BACH1: variants seen among roughly 807,000 people sequenced by gnomAD.
The protein encoded by BACH1 is transcription regulator protein BACH1.
BACH1 carries 35 observed loss-of-function variants against 52.9 expected under a neutral mutation model. The observed-to-expected ratio is 0.66, with a 90% CI of 0.51 to 0.88. BACH1 has a LOEUF of 0.88. BACH1 is among the 40% of genes least tolerant of loss of function. BACH1 has a pLI of 0.00. For synonymous variants in BACH1, 321 were observed against 319.6 expected (o/e 1.00, Z -0.05); for missense variants, 808 against 872.6 (o/e 0.93, Z 0.93).
chr21:29,329,078 T>TGGGTAGATTGCCTGAGCC (rs1344496825), intron 3 of BACH1, among the ~76,000 whole-genome samples: 2 of 151,706 alleles, frequency 1.3e-5, no homozygotes, highest in African/African-American at 4.8e-5. Context: ...GAGGCTGAGG[T>TGGGTAGATTGCCTGAGCC]GGGTAGATTG....
chr21:29,328,628 A>G (rs1458373833), intron 3 of BACH1, among the ~76,000 whole-genome samples: 1 of 152,210 alleles, frequency 6.6e-6, no homozygotes, highest in African/African-American at 2.4e-5. Flanking sequence ...GTATAAGCAC[A>G]ATATTGTACA....
chr21:29,306,633 G>T (rs2088661298), intron 1 of BACH1, among the ~76,000 whole-genome samples: 1 of 152,134 alleles, frequency 6.6e-6, no homozygotes, highest in Non-Finnish European at 1.5e-5. Flanking sequence ...GTCAGGGTTT[G>T]GTTAGAAAGT....
intron 1 of BACH1, among the ~76,000 whole-genome samples, chr21:29,308,054 A>C (rs550274711): frequency 8.9e-4 from 135 of 152,318 alleles, no homozygotes; most frequent in Middle Eastern, 3.4e-3. Context: ...AGATAAATGC[A>C]ATAGTATTTC....
chr21:29,317,857 G>A (rs1450095896), intron 1 of BACH1, among the ~76,000 whole-genome samples: 1 of 152,094 alleles, frequency 6.6e-6, no homozygotes, highest in Non-Finnish European at 1.5e-5. Flanking sequence ...CAGCGAGGTG[G>A]TGTTTTCTCT....
At chr21:29,305,737 C>T (rs1309334418) in intron 1 of BACH1, among the ~76,000 whole-genome samples, 1 of 152,218 alleles carries the variant, frequency 6.6e-6, no homozygotes, top group Non-Finnish European at 1.5e-5. Context: ...TGTTCTCCCC[C>T]AACTCACATG....
At chr21:29,299,379 T>G (rs1157988902) in intron 1 of BACH1, 2 of 151,950 alleles carry the variant, frequency 1.3e-5, no homozygotes, top group Non-Finnish European at 2.9e-5. Context: ...GGCCCCGTAT[T>G]GTCCTCCGCC....
Position 29,344,901 on chromosome 21 carries a change from T to G in BACH1, c.*2068T>G, listed in dbSNP as rs1057450937. ...TCTTTTGCTTTAATTGCTACTGTACTTGCTTTGAAAGATTACCTACTATTT... is the reference window on the plus strand; with the variant it reads ...TCTTTTGCTTTAATTGCTACTGTACGTGCTTTGAAAGATTACCTACTATTT... On this transcript the variant is annotated 3_prime_UTR_variant, in exon 5 of 5. Coordinates refer to ENST00000286800, the MANE Select transcript of BACH1 (RefSeq NM_001186.4). The G allele has an allele frequency of 6.6e-6, 1 of 152,660 alleles. No individual in the cohort carries two copies. The highest frequency in any genetic ancestry group is 1.5e-5 in the Non-Finnish European group (1 of 68,032). The allele number at this position is 152,660 out of a possible 1,614,324, so 9.5% of individuals were successfully genotyped here.
rs937979554 is a variant in BACH1, at chr21:29,321,923, G to A, written c.234+409G>A. Among the ~76,000 whole-genome samples the A allele has an allele frequency of 3.2e-4, 49 of 152,094 alleles. 1 individual carries two copies. Among genetic ancestry groups the A allele is most frequent in the Non-Finnish European group, 4.4e-5 (3 of 68,020 alleles). On this transcript the variant is annotated intron_variant, in intron 2 of 4. Coordinates refer to ENST00000286800, the MANE Select transcript of BACH1 (RefSeq NM_001186.4). ...TCGTGGCGCTAATAAAGACATACCTGAAACTGGGTAATTTTTAAAGGAAAG... is the reference window on the plus strand; with the variant it reads ...TCGTGGCGCTAATAAAGACATACCTAAAACTGGGTAATTTTTAAAGGAAAG...
Position 29,326,487 on chromosome 21 carries a change from T to C in BACH1, c.663T>C (p.Pro221=). 6.2e-7 allele frequency: 1 copy of C among 1,614,250 alleles called. No homozygotes were observed. Among genetic ancestry groups the C allele is most frequent in the Non-Finnish European group, 8.5e-7 (1 of 1,180,042 alleles). Residue 221 remains proline, a synonymous_variant, in exon 3 of 5, where the codon CCT becomes CCC. Transcript: ENST00000286800. Reference sequence around the variant, plus strand: ...AGAAGGATGCTGCTCTGGCCTTGCCTTCTTTATGCCCCAAATACAGAAAAT... The same window carrying C: ...AGAAGGATGCTGCTCTGGCCTTGCCCTCTTTATGCCCCAAATACAGAAAAT... ...CLEKDAALAL[P]SLCPKYRKFQ...
At chr21:29,349,762 A>T (rs1303125170), downstream of BACH1, among the ~76,000 whole-genome samples, 1 of 152,082 alleles carries the variant, frequency 6.6e-6, no homozygotes, top group East Asian at 1.9e-4. Flanking sequence ...CTAAGAATAT[A>T]ATTTTTCTTG....
Position 29,321,349 on chromosome 21 carries a change from C to A in BACH1, c.69C>A (p.Ser23Arg). The A allele has an allele frequency of 6.2e-7, 1 of 1,614,212 alleles. No homozygotes were observed. The highest frequency in any genetic ancestry group is 8.5e-7 in the Non-Finnish European group (1 of 1,180,044). Residue 23 changes from serine (S) to arginine (R), a missense_variant, in exon 2 of 5, where the codon AGC (serine) becomes AGA (arginine). Physicochemically the swap from Ser to Arg is moderately radical, Grantham distance 110 (BLOSUM62 -1). Transcript: ENST00000286800. ...SSVHSTNVLL[S>R]LNDQRKKDVL... ...TGCATAGCACCAATGTTTTACTCAG[C>A]CTTAATGACCAGCGGAAGAAAGATG...
At chr21:29,306,062 C>G (rs747059688) in intron 1 of BACH1, among the ~76,000 whole-genome samples, 9 of 151,962 alleles carry the variant, frequency 5.9e-5, no homozygotes, top group Admixed American at 1.3e-4. Context: ...GTGATGAATG[C>G]ATAGGTTAGT....
chr21:29,333,854 G>A (rs1187831533), intron 4 of BACH1, among the ~76,000 whole-genome samples: 3 of 152,228 alleles, frequency 2.0e-5, no homozygotes, highest in Non-Finnish European at 4.4e-5. Context: ...AAAGGGAGAT[G>A]TGAGTTAGCA....
At chr21:29,333,130 T>TA (rs1217284747) in intron 4 of BACH1, among the ~76,000 whole-genome samples, 1 of 152,228 alleles carries the variant, frequency 6.6e-6, no homozygotes, top group Non-Finnish European at 1.5e-5. Flanking sequence ...CAGATAAACA[T>TA]AAACAGAAAA....
chr21:29,315,588 C>T (rs539997807), intron 1 of BACH1, among the ~76,000 whole-genome samples: 4 of 152,132 alleles, frequency 2.6e-5, no homozygotes, highest in Non-Finnish European at 5.9e-5. Flanking sequence ...CCATATGCAC[C>T]GTTCCTGATG....
intron 4 of BACH1, among the ~76,000 whole-genome samples, chr21:29,335,872 C>G (rs1473573492): frequency 1.3e-5 from 2 of 152,164 alleles, no homozygotes; most frequent in Non-Finnish European, 2.9e-5. Context: ...CACTCTGGCT[C>G]TCTTCCTCTC....
At chr21:29,337,882 T>C (rs2089063340) in intron 4 of BACH1, among the ~76,000 whole-genome samples, 2 of 151,886 alleles carry the variant, frequency 1.3e-5, no homozygotes, top group Admixed American at 6.6e-5. Flanking sequence ...TGAGCTGAGA[T>C]CATGCCATTG....
At chr21:29,303,416 G>T (rs910320759) in intron 1 of BACH1, among the ~76,000 whole-genome samples, 2 of 152,212 alleles carry the variant, frequency 1.3e-5, no homozygotes, top group East Asian at 3.8e-4. Flanking sequence ...TTAATAAACT[G>T]TTGGTTGCTG....
chr21:29,330,425 C>G (rs1228465616), intron 4 of BACH1, among the ~76,000 whole-genome samples: 1 of 152,114 alleles, frequency 6.6e-6, no homozygotes, highest in South Asian at 2.1e-4. Flanking sequence ...CGTGATCTGC[C>G]TGTCTCGGCC....
Sources: gnomAD v4.1 joint callset for allele counts (sites outside exome capture counted in the v4.1 genomes callset) on GRCh38, gnomAD v4.1.1 for gene constraint, MANE v1.5 for transcripts, NCBI Gene and HGNC (gene_info 2026-07-23, HGNC 2026-07-21) for gene names.